Variants in LRRC39 observed in about 807,000 individuals in gnomAD.
LRRC39 encodes leucine rich repeat containing 39, also known as leucine-rich repeat-containing protein 39.
LRRC39 carries 35 observed loss-of-function variants against 39.7 expected under a neutral mutation model. The observed-to-expected ratio is 0.88, with a 90% CI of 0.67 to 1.17. The LOEUF is 1.17. Among genes scored for constraint, LRRC39 ranks in the 50% most tolerant of loss-of-function variants. The probability of loss-of-function intolerance (pLI) is 0.00; values close to 1 mark genes in which losing one functional copy is unlikely to be tolerated. For synonymous variants in LRRC39, 113 were observed against 134.1 expected (o/e 0.84, Z 1.09); for missense variants, 357 against 385.8 (o/e 0.93, Z 0.62).
In LRRC39 at chr1:100,159,291, C is replaced by T. The variant is rs1020021088; in HGVS notation, c.344G>A (p.Arg115Gln). 1 of 1,605,488 alleles carries T rather than the reference C, an allele frequency of 6.2e-7. No individual in the cohort carries two copies. The stretch of plus-strand genomic sequence containing the variant: ...TGGTGGTATCTCTGAAATTGTGTTT[C>T]GAGATAAATCTAACACAATGAGGTT... Reference protein sequence around the residue: ...FQNLIVLDLSRNTISEIPPGI... With the variant: ...FQNLIVLDLSQNTISEIPPGI... The change falls in exon 5 of 10, where the codon CGA (arginine) becomes CAA (glutamine). Residue 115 changes from arginine (R) to glutamine (Q), a missense_variant. Physicochemically the swap from Arg to Gln is conservative, Grantham distance 43. Transcript: ENST00000370137.
intron 3 of LRRC39, among the ~76,000 whole-genome samples, chr1:100,160,948 T>G (rs58087587): frequency 0.042 from 6,358 of 152,054 alleles, 331 homozygotes; most frequent in African/African-American, 0.12. Context: ...ATATTTTAAT[T>G]ACCAATCAAA....
intron 2 of LRRC39, among the ~76,000 whole-genome samples, chr1:100,169,996 G>A (rs1428461519): frequency 2.0e-5 from 3 of 152,130 alleles, no homozygotes; most frequent in Non-Finnish European, 2.9e-5. Flanking sequence ...CTTCCCTGAT[G>A]ATTAAGTGTT....
upstream of LRRC39, among the ~76,000 whole-genome samples, chr1:100,179,156 T>C (rs141595355): frequency 8.4e-3 from 1,278 of 152,286 alleles, 11 homozygotes; most frequent in Non-Finnish European, 0.013. Context: ...ATAATTTATG[T>C]AGTCATTTGG....
chr1:100,174,526 T>A (rs1459778119), intron 1 of LRRC39, among the ~76,000 whole-genome samples: 1 of 152,160 alleles, frequency 6.6e-6, no homozygotes, highest in South Asian at 2.1e-4. Context: ...CTTGAACTCC[T>A]GGGCTCAAGT....
At position 100,152,536 on chromosome 1, in the gene LRRC39, T is replaced by C. The variant is rs1415076770; in HGVS notation, c.813-12A>G. 3 of 1,610,678 alleles carry C rather than the reference T, an allele frequency of 1.9e-6. No individual in the cohort carries two copies. Among genetic ancestry groups the C allele is most frequent in the Non-Finnish European group, 2.5e-6 (3 of 1,178,890 alleles). On this transcript the variant is annotated splice_polypyrimidine_tract_variant and intron_variant, in intron 8 of 9. Coordinates refer to ENST00000370137, the MANE Select transcript of LRRC39 (RefSeq NM_144620.4). ...TGAAGTTGACAAACCTAGAAGTTCA[T>C]CAAAAAACAGTATTTTTATAGGTGT...
rs935486667 is a variant in LRRC39, at chr1:100,176,862, A to G, written c.-119+1273T>C. On this transcript the variant is annotated intron_variant, in intron 1 of 9. Coordinates refer to ENST00000370137, the MANE Select transcript of LRRC39 (RefSeq NM_144620.4). ...TTGAGGGTTACAGAACAGAATATAA[A>G]TGCCATATATCTTGAAAACATAAAA... Among the ~76,000 whole-genome samples the G allele has an allele frequency of 2.2e-4, 33 of 152,206 alleles. 2 individuals carry two copies. The highest frequency in any genetic ancestry group is 1.7e-3 in the Admixed American group (26 of 15,278).
At chr1:100,177,749 T>C (rs1660057772) in intron 1 of LRRC39, among the ~76,000 whole-genome samples, 1 of 151,618 alleles carries the variant, frequency 6.6e-6, no homozygotes, top group African/African-American at 2.4e-5. Context: ...TAAATGTTGC[T>C]CATCCATCAG....
At chr1:100,163,357 G>C (rs1351656689) in intron 3 of LRRC39, among the ~76,000 whole-genome samples, 1 of 152,140 alleles carries the variant, frequency 6.6e-6, no homozygotes, top group Non-Finnish European at 1.5e-5. Context: ...TGTTGTTACT[G>C]AGTTCACGGT....
At chr1:100,176,238 C>A (rs530641784) in intron 1 of LRRC39, among the ~76,000 whole-genome samples, 1 of 152,284 alleles carries the variant, frequency 6.6e-6, no homozygotes, top group Admixed American at 6.5e-5. Context: ...ACCAGCCTGA[C>A]CAACATGGTG....
chr1:100,155,309 GGAT>G, intron 7 of LRRC39, 106 bp from the exon 8 acceptor site: 1 of 1,060,632 alleles, frequency 9.4e-7, no homozygotes, highest in Non-Finnish European at 1.3e-6. Context: ...ATGTTGTCCA[GGAT>G]GGTCTCAAAC....
At chr1:100,174,301 A>ATT (rs202141832) in intron 1 of LRRC39, among the ~76,000 whole-genome samples, 1 of 144,022 alleles carries the variant, frequency 6.9e-6, no homozygotes, top group Non-Finnish European at 1.5e-5. Context: ...CATTGTGGAA[A>ATT]TTTTTTTTTT....
intron 1 of LRRC39, among the ~76,000 whole-genome samples, chr1:100,177,249 C>T (rs1046640300): frequency 6.6e-6 from 1 of 152,128 alleles, no homozygotes; most frequent in African/African-American, 2.4e-5. Flanking sequence ...AAAATGATTA[C>T]TTCTAGGGAG....
chr1:100,152,559 T>C (rs1276625261), intron 8 of LRRC39, 35 bp from the exon 9 acceptor site: 1 of 1,604,900 alleles, frequency 6.2e-7, no homozygotes, highest in Non-Finnish European at 8.5e-7. Flanking sequence ...TTTTTATAGG[T>C]GTCATGGAAG....
intron 3 of LRRC39, 80 bp downstream of exon 3, chr1:100,168,324 G>T: frequency 1.0e-6 from 1 of 973,346 alleles, no homozygotes; most frequent in Non-Finnish European, 1.5e-6. Context: ...TCAATAACAA[G>T]GCATTTAGAA....
At chr1:100,167,073 T>C (rs764142924) in intron 3 of LRRC39, among the ~76,000 whole-genome samples, 4 of 152,178 alleles carry the variant, frequency 2.6e-5, no homozygotes, top group Non-Finnish European at 5.9e-5. Context: ...CTCATTCCCC[T>C]AGAAGGTAAC....
intron 4 of LRRC39, among the ~76,000 whole-genome samples, chr1:100,160,188 CT>C (rs1288967230): frequency 6.6e-6 from 1 of 152,086 alleles, no homozygotes; most frequent in Non-Finnish European, 1.5e-5. Flanking sequence ...AGATGGTTAT[CT>C]TTTTTATGGG....
chr1:100,159,561 G>A (rs1255091379), intron 4 of LRRC39, 146 bp from the exon 5 acceptor site: 1 of 359,596 alleles, frequency 2.8e-6, no homozygotes, highest in African/African-American at 2.3e-5. Flanking sequence ...CAAGTGCTTT[G>A]TGTGACTTCC....
intron 1 of LRRC39, 52 bp from the exon 2 acceptor site, chr1:100,173,422 A>C (rs1280871482): frequency 6.6e-6 from 1 of 152,184 alleles, no homozygotes; most frequent in East Asian, 1.9e-4. Context: ...AAATTATTAA[A>C]ATTTAATATC....
chr1:100,155,172 G>C lies in LRRC39; in HGVS notation c.691C>G (p.Arg231Gly). The change falls in exon 8 of 10, where the codon CGA (arginine) becomes GGA (glycine). Residue 231 changes from arginine to glycine, a missense_variant. By Grantham distance (125) the Arg-to-Gly change is moderately radical. Transcript: ENST00000370137. ...TGAGGCAAGCATGTTATTTCATTTC[G>C]TTGCAGCCATAACGTATGTAGATTT... ...MQNLHTLWLQRNEITCLPQTI... is the reference protein window; with the variant it reads ...MQNLHTLWLQGNEITCLPQTI... The C allele has an allele frequency of 1.2e-6, 2 of 1,608,616 alleles. No individual in the cohort carries two copies. Among genetic ancestry groups the C allele is most frequent in the Non-Finnish European group, 1.7e-6 (2 of 1,178,128 alleles).
Sources: gnomAD v4.1 joint callset for allele counts (sites outside exome capture counted in the v4.1 genomes callset) on GRCh38, gnomAD v4.1.1 for gene constraint, MANE v1.5 for transcripts, NCBI Gene and HGNC (gene_info 2026-07-23, HGNC 2026-07-21) for gene names.